Variants in CTNNA3 observed in about 807,000 individuals in gnomAD.
The protein encoded by CTNNA3 is catenin alpha-3.
Under a neutral mutation model 95.7 loss-of-function variants are expected in CTNNA3, and 76 were observed. That is an observed-to-expected ratio of 0.79 (90% confidence interval 0.66 to 0.96). CTNNA3 has a LOEUF of 0.96. CTNNA3 is among the 40% of genes least tolerant of loss of function. The pLI, the probability that CTNNA3 is intolerant of heterozygous loss-of-function variation, is 0.00. For missense variants in CTNNA3, 1,191 were observed against 1,089.8 expected, an observed-to-expected ratio of 1.09 and a Z score of -1.31; for synonymous variants, 431 against 374.4, an observed-to-expected ratio of 1.15 and a Z score of -1.74.
intron 13 of CTNNA3, among the ~76,000 whole-genome samples, chr10:66,274,364 T>C (rs2091347909): frequency 6.6e-6 from 1 of 152,050 alleles, no homozygotes; most frequent in Non-Finnish European, 1.5e-5. Context: ...ACAAAACATA[T>C]AGTGGATCAA....
At chr10:66,688,451 C>T (rs1193003420) in intron 9 of CTNNA3, among the ~76,000 whole-genome samples, 1 of 152,072 alleles carries the variant, frequency 6.6e-6, no homozygotes, top group Non-Finnish European at 1.5e-5. Flanking sequence ...TTCTGCCACC[C>T]TCAGCCCCCA....
chr10:66,580,622 T>C (rs1843153459), intron 10 of CTNNA3, among the ~76,000 whole-genome samples: 2 of 151,884 alleles, frequency 1.3e-5, no homozygotes, highest in East Asian at 1.9e-4. Context: ...ACAAGTGATG[T>C]TTGAATGAGA....
At chr10:66,789,985 G>A (rs890842549) in intron 7 of CTNNA3, among the ~76,000 whole-genome samples, 4 of 152,114 alleles carry the variant, frequency 2.6e-5, no homozygotes, top group African/African-American at 9.7e-5. Context: ...GAGGAGTGAA[G>A]GGAAAATATA....
At chr10:66,309,489 G>A (rs540278500) in intron 12 of CTNNA3, among the ~76,000 whole-genome samples, 10 of 151,458 alleles carry the variant, frequency 6.6e-5, no homozygotes, top group Non-Finnish European at 1.2e-4. Context: ...TCAGGAGATC[G>A]AGACCATCCT....
intron 7 of CTNNA3, among the ~76,000 whole-genome samples, chr10:67,056,662 A>C (rs1268510737): frequency 3.9e-5 from 6 of 152,074 alleles, no homozygotes; most frequent in Non-Finnish European, 7.4e-5. Context: ...ATAAACACAA[A>C]CCCAACAGTC....
At chr10:65,986,494 A>G (rs2078430990) in intron 16 of CTNNA3, among the ~76,000 whole-genome samples, 2 of 151,586 alleles carry the variant, frequency 1.3e-5, no homozygotes, top group South Asian at 4.1e-4. Flanking sequence ...AAACACCTAG[A>G]AATCAATATA....
chr10:67,657,415 T>C (rs1341217734), intron 1 of CTNNA3, among the ~76,000 whole-genome samples: 1 of 152,150 alleles, frequency 6.6e-6, no homozygotes, highest in Admixed American at 6.5e-5. Context: ...CAAGGAAGCA[T>C]GTAGACTAGA....
intron 7 of CTNNA3, among the ~76,000 whole-genome samples, chr10:67,062,924 T>G (rs1589682467): frequency 6.6e-6 from 1 of 152,308 alleles, no homozygotes; most frequent in South Asian, 2.1e-4. Flanking sequence ...TCAGCAGCAA[T>G]TTCCTGCAGT....
chr10:66,535,750 C>T (rs1186278371), intron 10 of CTNNA3, among the ~76,000 whole-genome samples: 1 of 152,096 alleles, frequency 6.6e-6, no homozygotes, highest in East Asian at 1.9e-4. Context: ...TCTCCATAGT[C>T]AGCTGAGGCT....
intron 9 of CTNNA3, among the ~76,000 whole-genome samples, chr10:66,753,775 C>T (rs985465248): frequency 1.3e-5 from 2 of 150,596 alleles, no homozygotes; most frequent in African/African-American, 2.4e-5. Flanking sequence ...ATTCCATTTA[C>T]AATAGCATCA....
chr10:67,190,786 G>T (rs1261161143), intron 6 of CTNNA3, among the ~76,000 whole-genome samples: 1 of 151,714 alleles, frequency 6.6e-6, no homozygotes, highest in Non-Finnish European at 1.5e-5. Context: ...AAAAAATAAA[G>T]ACATCAAGAG....
intron 13 of CTNNA3, among the ~76,000 whole-genome samples, chr10:66,116,922 A>G (rs555646747): frequency 3.6e-4 from 55 of 152,292 alleles, no homozygotes; most frequent in Non-Finnish European, 5.4e-4. Flanking sequence ...AAGTCCGCAC[A>G]CACGATTCAA....
intron 13 of CTNNA3, among the ~76,000 whole-genome samples, chr10:66,115,371 T>G (rs1422134997): frequency 6.6e-6 from 1 of 152,160 alleles, no homozygotes; most frequent in Non-Finnish European, 1.5e-5. Flanking sequence ...TTTTGTTCTG[T>G]GGATGCGTAA....
chr10:65,980,374 C>CAAAT (rs2078293301), intron 16 of CTNNA3, among the ~76,000 whole-genome samples: 1 of 151,754 alleles, frequency 6.6e-6, no homozygotes, highest in African/African-American at 2.4e-5. Context: ...CAGGACCAGA[C>CAAAT]AAATTCACAG....
chr10:67,057,616 G>A (rs1402709311), intron 7 of CTNNA3, among the ~76,000 whole-genome samples: 2 of 152,062 alleles, frequency 1.3e-5, no homozygotes, highest in Admixed American at 6.6e-5. Flanking sequence ...TTAAGACTGA[G>A]AATACTGACC....
chr10:67,201,052 C>T (rs754682835), intron 6 of CTNNA3, among the ~76,000 whole-genome samples: 2 of 152,182 alleles, frequency 1.3e-5, no homozygotes, highest in South Asian at 4.1e-4. Flanking sequence ...CATCCATCAC[C>T]GGAGTTCCTA....
At chr10:66,758,319 T>G (rs1839454864) in intron 9 of CTNNA3, among the ~76,000 whole-genome samples, 1 of 152,228 alleles carries the variant, frequency 6.6e-6, no homozygotes, top group South Asian at 2.1e-4. Flanking sequence ...TCATTCATTT[T>G]AAAACACAAA....
chr10:66,326,340 T>A (rs2092253943), intron 12 of CTNNA3, among the ~76,000 whole-genome samples: 1 of 152,064 alleles, frequency 6.6e-6, no homozygotes, highest in Non-Finnish European at 1.5e-5. Context: ...GAGTTTCATA[T>A]AAGGCAGATG....
At chr10:66,554,779 T>C (rs2660027) in intron 10 of CTNNA3, among the ~76,000 whole-genome samples, 138,577 of 151,884 alleles carry the variant, frequency 0.91, 63,542 homozygotes, top group East Asian at 0.98. Flanking sequence ...AGAATAAGTA[T>C]AGGCTTCTTC....
Sources: gnomAD v4.1 joint callset for allele counts (sites outside exome capture counted in the v4.1 genomes callset) on GRCh38, gnomAD v4.1.1 for gene constraint, MANE v1.5 for transcripts, NCBI Gene and HGNC (gene_info 2026-07-23, HGNC 2026-07-21) for gene names.